The following TOP3A variants were observed in gnomAD, a reference collection of about 807,000 sequenced individuals.
TOP3A encodes the protein DNA topoisomerase 3-alpha.
A neutral mutation model predicts 111.3 loss-of-function variants in TOP3A; 64 were observed. That is an observed-to-expected ratio of 0.57 (90% CI 0.47 to 0.71). The LOEUF is 0.71. Among genes scored for constraint, TOP3A ranks in the 30% least tolerant of loss-of-function variants. The pLI, the probability that TOP3A is intolerant of heterozygous loss-of-function variation, is 0.00. For synonymous variants in TOP3A, 484 were observed against 485.1 expected, an observed-to-expected ratio of 1.00 and a Z score of 0.03; for missense variants, 1,104 against 1,285.0, an observed-to-expected ratio of 0.86 and a Z score of 2.15.
chr17:18,290,072 A>C (rs1980370594), intron 13 of TOP3A, among the ~76,000 whole-genome samples: 1 of 152,222 alleles, frequency 6.6e-6, no homozygotes, highest in African/African-American at 2.4e-5. Context: ...AGCCTGAGTG[A>C]GCAGTGTGGG....
intron 11 of TOP3A, among the ~76,000 whole-genome samples, chr17:18,291,948 G>A (rs796314691): frequency 3.9e-5 from 6 of 152,238 alleles, no homozygotes; most frequent in African/African-American, 1.4e-4. Flanking sequence ...TCCTGACCTC[G>A]TGATCTACCC....
chr17:18,292,856 A>C lies in TOP3A; in HGVS notation c.1074-4T>G. 6.2e-7 allele frequency: 1 copy of C among 1,601,032 alleles called. No individual in the cohort carries two copies. Among genetic ancestry groups the C allele is most frequent in the Non-Finnish European group, 8.5e-7 (1 of 1,172,498 alleles). On this transcript the variant is annotated splice_polypyrimidine_tract_variant and splice_region_variant and intron_variant, in intron 10 of 18. Transcript: ENST00000321105. ...TGTTCGGGGATAGCTGATGTACCTAAAACCAAGGCAAACAAACAGAAAAAG... is the reference window on the plus strand; with the variant it reads ...TGTTCGGGGATAGCTGATGTACCTACAACCAAGGCAAACAAACAGAAAAAG...
intron 13 of TOP3A, among the ~76,000 whole-genome samples, chr17:18,288,397 C>A (rs146282108): frequency 0.018 from 2,808 of 152,136 alleles, 93 homozygotes; most frequent in African/African-American, 0.064. Context: ...CTACCTTGGT[C>A]TCCCAAAGTG....
At position 18,272,068 on chromosome 17, in the gene TOP3A, A is replaced by AAAAAAAT. The variant is rs779396652; in HGVS notation, c.*2727_*2733dup. Among the ~76,000 whole-genome samples the AAAAAAAT allele has an allele frequency of 5.9e-5, 9 of 152,170 alleles. No individual in the cohort carries two copies. In the East Asian group the frequency reaches 9.6e-4, roughly 16 times the overall value. On this transcript the variant is annotated 3_prime_UTR_variant, in exon 19 of 19. Coordinates refer to ENST00000321105, the MANE Select transcript of TOP3A (RefSeq NM_004618.5). ...GCACAAGAGCGAAACTCCATCTCAA[A>AAAAAAAT]AAAAAATAAAAAATAAAAAATAAAA... is the stretch of plus-strand genomic sequence containing the variant.
chr17:18,287,976 G>A (rs890782217), intron 13 of TOP3A, among the ~76,000 whole-genome samples: 9 of 151,292 alleles, frequency 5.9e-5, no homozygotes, highest in Admixed American at 5.9e-4. Context: ...CCAGCCTGCA[G>A]CAACAAGAGC....
chr17:18,298,036 G>A (rs1234649680), intron 9 of TOP3A, among the ~76,000 whole-genome samples: 3 of 150,376 alleles, frequency 2.0e-5, no homozygotes, highest in African/African-American at 2.5e-5. Context: ...CTGCCCGGCC[G>A]CCCATCGTCT....
chr17:18,306,534 A>T (rs1426008444), intron 4 of TOP3A: 3 of 163,908 alleles, frequency 1.8e-5, no homozygotes, highest in Non-Finnish European at 1.3e-5. Context: ...GCCTGGTTAA[A>T]TTTTTTTTTT....
chr17:18,279,034 C>A (rs887609311), intron 17 of TOP3A, among the ~76,000 whole-genome samples: 9 of 152,120 alleles, frequency 5.9e-5, no homozygotes, highest in African/African-American at 1.9e-4. Flanking sequence ...GTGTATACAA[C>A]GGAGTTTCCT....
chr17:18,311,999 G>C (rs1405785379), intron 1 of TOP3A: 1 of 152,300 alleles, frequency 6.6e-6, no homozygotes, highest in African/African-American at 2.4e-5. Context: ...TCCCATTTGA[G>C]AAAAGCCCTA....
chr17:18,282,890 A>G, intron 15 of TOP3A, 49 bp from the exon 16 acceptor site: 2 of 1,607,750 alleles, frequency 1.2e-6, no homozygotes, highest in Non-Finnish European at 1.7e-6. Flanking sequence ...ATCGCTGCAA[A>G]GGCACCTACA....
chr17:18,282,666 G>A, intron 16 of TOP3A, 32 bp downstream of exon 16: 1 of 1,611,914 alleles, frequency 6.2e-7, no homozygotes. Context: ...GTGCTGGGGA[G>A]CAGAGGTGGG....
intron 9 of TOP3A, among the ~76,000 whole-genome samples, chr17:18,296,512 G>A (rs969140612): frequency 6.6e-5 from 10 of 152,030 alleles, no homozygotes; most frequent in Admixed American, 2.0e-4. Flanking sequence ...CCCGGGAGAC[G>A]GAGGTTGCAG....
chr17:18,308,574 CAA>C, intron 2 of TOP3A, 150 bp from the exon 3 acceptor site: 2 of 557,546 alleles, frequency 3.6e-6, no homozygotes, highest in Non-Finnish European at 3.1e-6. Context: ...TCTTCAAAGC[CAA>C]AAGTCACAGG....
rs757039121 is a variant in TOP3A at position 18,278,208 on chromosome 17, C to A, written c.2294G>T (p.Arg765Leu). 3.7e-6 allele frequency: 6 copies of A among 1,603,214 alleles called. No individual in the cohort carries two copies. Among genetic ancestry groups the A allele is most frequent in the African/African-American group, 1.3e-5 (1 of 74,656 alleles). The change falls in exon 18 of 19, where the codon CGC becomes CTC. Residue 765 changes from arginine (R) to leucine (L), a missense_variant. Physicochemically the swap from Arg to Leu is moderately radical, Grantham distance 102 (BLOSUM62 -2). Coordinates refer to ENST00000321105, the MANE Select transcript of TOP3A (RefSeq NM_004618.5). ...GPPRASQPSGRLQANQSLNRM... is the reference protein window; with the variant it reads ...GPPRASQPSGLLQANQSLNRM... ...GTTCAGGGACTGGTTAGCCTGCAGG[C>A]GGCCAGAGGGCTGGCTAGCCCTGGG... is the stretch of plus-strand genomic sequence containing the variant.
chr17:18,283,177 C>T (rs1979874435), intron 15 of TOP3A, among the ~76,000 whole-genome samples: 1 of 152,192 alleles, frequency 6.6e-6, no homozygotes, highest in South Asian at 2.1e-4. Context: ...CGAGACCAGC[C>T]TGACCAACAT....
chr17:18,282,585 C>A, intron 16 of TOP3A, 113 bp downstream of exon 16: 1 of 1,493,714 alleles, frequency 6.7e-7, no homozygotes, highest in South Asian at 1.3e-5. Context: ...AGGTTGGCAA[C>A]AACAGGCCTG....
chr17:18,275,562 T>C (rs181431338), intron 18 of TOP3A, among the ~76,000 whole-genome samples: 2,161 of 151,368 alleles, frequency 0.014, 16 homozygotes, highest in Non-Finnish European at 0.023. Context: ...ACGGGTTTCA[T>C]CATGTTAGCC....
chr17:18,297,077 CTTTT>C (rs971606752), intron 9 of TOP3A, among the ~76,000 whole-genome samples: 24 of 152,308 alleles, frequency 1.6e-4, no homozygotes, highest in African/African-American at 3.4e-4. Flanking sequence ...TTGTCTTCCT[CTTTT>C]TGTTTCCCAA....
intron 13 of TOP3A, among the ~76,000 whole-genome samples, chr17:18,290,174 G>A (rs1032676246): frequency 1.3e-5 from 2 of 152,244 alleles, no homozygotes; most frequent in African/African-American, 4.8e-5. Context: ...AATGAAGATA[G>A]ATTTTATGAT....
Sources: gnomAD v4.1 joint callset for allele counts (sites outside exome capture counted in the v4.1 genomes callset) on GRCh38, gnomAD v4.1.1 for gene constraint, MANE v1.5 for transcripts, NCBI Gene and HGNC (gene_info 2026-07-23, HGNC 2026-07-21) for gene names.